The following STK24 variants were observed in gnomAD, a reference collection of about 807,000 sequenced individuals.
The protein encoded by STK24 is serine/threonine-protein kinase 24.
STK24 carries 21 observed loss-of-function variants against 55.6 expected under a neutral mutation model. That is an observed-to-expected ratio of 0.38 (90% CI 0.27 to 0.54). The LOEUF (loss-of-function observed/expected upper bound fraction) is 0.54. STK24 is among the 20% of genes least tolerant of loss of function. STK24 has a pLI of 0.79. For synonymous variants in STK24, 200 were observed against 215.2 expected (o/e 0.93, Z 0.62); for missense variants, 383 against 538.4 (o/e 0.71, Z 2.86).
intron 1 of STK24, among the ~76,000 whole-genome samples, chr13:98,550,568 T>C (rs1267694926): frequency 6.6e-6 from 1 of 152,202 alleles, no homozygotes; most frequent in African/African-American, 2.4e-5. Context: ...CTCTTTCTTG[T>C]AGTTTTGTCT....
At chr13:98,535,398 TAC>T (rs56768700) in intron 1 of STK24, among the ~76,000 whole-genome samples, 15,458 of 142,102 alleles carry the variant, frequency 0.11, 1,106 homozygotes, top group East Asian at 0.23. Flanking sequence ...TATGTGTGTA[TAC>T]ACACACACAC....
chr13:98,515,123 G>T (rs1594629648), intron 2 of STK24, among the ~76,000 whole-genome samples: 1 of 148,768 alleles, frequency 6.7e-6, no homozygotes, highest in East Asian at 2.0e-4. Flanking sequence ...AAAAAGATTT[G>T]TAAGTGCTGA....
intron 1 of STK24, among the ~76,000 whole-genome samples, chr13:98,553,045 A>G (rs551662016): frequency 6.6e-6 from 1 of 152,074 alleles, no homozygotes; most frequent in East Asian, 1.9e-4. Context: ...ACCAGGGGAG[A>G]CCCCGTGGGT....
At chr13:98,517,892 G>A (rs1357158723) in intron 2 of STK24, among the ~76,000 whole-genome samples, 1 of 152,140 alleles carries the variant, frequency 6.6e-6, no homozygotes, top group Non-Finnish European at 1.5e-5. Context: ...ATGCTACCAA[G>A]GAAGGAAAAT....
chr13:98,513,941 A>C (rs139792231), intron 2 of STK24, among the ~76,000 whole-genome samples: 68 of 152,362 alleles, frequency 4.5e-4, no homozygotes, highest in African/African-American at 1.6e-3. Context: ...AAGGGCCAAT[A>C]CAAGAGCATG....
At chr13:98,551,978 GATAAGGAAGGAAAAAAAAGTCAA>G (rs915061328) in intron 1 of STK24, among the ~76,000 whole-genome samples, 1 of 152,022 alleles carries the variant, frequency 6.6e-6, no homozygotes, top group African/African-American at 2.4e-5. Context: ...GACCTGCTGC[GATAAGGAAGGAAAAAAAAGTCAA>G]ATGGCCTTCG....
intron 7 of STK24, among the ~76,000 whole-genome samples, chr13:98,462,460 C>A (rs1374992847): frequency 2.0e-5 from 3 of 152,086 alleles, no homozygotes; most frequent in Admixed American, 1.3e-4. Context: ...GTATGGGCCT[C>A]AGAGGCAATG....
intron 2 of STK24, among the ~76,000 whole-genome samples, chr13:98,493,233 C>A (rs145637007): frequency 6.6e-5 from 10 of 152,312 alleles, no homozygotes; most frequent in South Asian, 6.2e-4. Flanking sequence ...TGCGTGTGTG[C>A]GTGTGCTCGC....
intron 2 of STK24, among the ~76,000 whole-genome samples, chr13:98,487,743 T>C (rs1014308338): frequency 6.6e-6 from 1 of 152,108 alleles, no homozygotes; most frequent in African/African-American, 2.4e-5. Context: ...TGAGCTCACA[T>C]TGTTTCCATT....
At position 98,519,482 on chromosome 13, in the gene STK24, A is replaced by G; in HGVS notation, c.43-9T>C. 6.2e-7 allele frequency: 1 copy of G among 1,610,460 alleles called. No individual in the cohort carries two copies. The highest frequency in any genetic ancestry group is 2.2e-5 in the East Asian group (1 of 44,862). ...GGGTCTGCCTTTAGGTTCTGTAGAG[A>G]GAAGGAAGAGAAAAGGGAAACTTTA... On this transcript the variant is annotated splice_polypyrimidine_tract_variant and intron_variant, in intron 1 of 10. Transcript: ENST00000539966.
intron 1 of STK24, among the ~76,000 whole-genome samples, chr13:98,545,217 T>C (rs931579989): frequency 6.6e-6 from 1 of 152,254 alleles, no homozygotes; most frequent in African/African-American, 2.4e-5. Context: ...TGAGGTACAC[T>C]GAGATGTTAA....
intron 2 of STK24, among the ~76,000 whole-genome samples, chr13:98,505,559 T>C (rs1458495858): frequency 2.6e-5 from 4 of 152,362 alleles, no homozygotes; most frequent in South Asian, 2.1e-4. Context: ...TTAGACCCAA[T>C]TGAAGCATAT....
chr13:98,519,511 C>T (rs1896184534), intron 1 of STK24, 38 bp from the exon 2 acceptor site: 1 of 1,483,418 alleles, frequency 6.7e-7, no homozygotes, highest in East Asian at 2.3e-5. Context: ...AACTTTAGTC[C>T]CTCATAGCAC....
In STK24 at chr13:98,475,185, G is replaced by A. The variant is rs77536433; in HGVS notation, c.439+65C>T. ...GGGCGCCAGCACCTTCCCTTGAGAAGTCTTCAGGGCAACCCCACCACCACC... is the reference window on the plus strand; with the variant it reads ...GGGCGCCAGCACCTTCCCTTGAGAAATCTTCAGGGCAACCCCACCACCACC... On this transcript the variant is annotated intron_variant, in intron 4 of 10. Transcript: ENST00000539966. 1,667 of 1,474,010 alleles carry A rather than the reference G, an allele frequency of 1.1e-3. 9 individuals are homozygous for A. The African/African-American group carries it at 0.021, about 18-fold the overall frequency. 91.3% of individuals were successfully genotyped at this position (1,474,010 alleles called of 1,614,324 possible).
At chr13:98,477,894 C>T (rs1276666272) in intron 3 of STK24, among the ~76,000 whole-genome samples, 1 of 152,104 alleles carries the variant, frequency 6.6e-6, no homozygotes, top group Non-Finnish European at 1.5e-5. Context: ...GGAAAATCCT[C>T]CCCTGGATAA....
chr13:98,490,685 A>G (rs2139321547), intron 2 of STK24, among the ~76,000 whole-genome samples: 1 of 152,290 alleles, frequency 6.6e-6, no homozygotes, highest in Admixed American at 6.5e-5. Context: ...CAGCAGTGAC[A>G]GCTTCCAGTG....
chr13:98,468,564 T>A (rs192770034), intron 5 of STK24, among the ~76,000 whole-genome samples: 19 of 152,234 alleles, frequency 1.2e-4, no homozygotes, highest in Admixed American at 1.1e-3. Context: ...TTGTGACTCT[T>A]GTGTGGCAGC....
chr13:98,527,894 T>C lies in STK24; in HGVS notation c.43-8421A>G, dbSNP rs186200409. 3.6e-3 allele frequency among the ~76,000 whole-genome samples: 555 copies of C among 152,336 alleles called. 1 individual carries two copies. Among genetic ancestry groups the C allele is most frequent in the African/African-American group, 0.013 (528 of 41,580 alleles). ...TGGAACAAATGTCCCCTGCTGTGACTGCAGCCCCAGTTCATGCTGGCGTCT... is the reference window on the plus strand; with the variant it reads ...TGGAACAAATGTCCCCTGCTGTGACCGCAGCCCCAGTTCATGCTGGCGTCT... On this transcript the variant is annotated intron_variant, in intron 1 of 10. Coordinates refer to ENST00000539966, the MANE Select transcript of STK24 (RefSeq NM_001032296.4).
intron 1 of STK24, among the ~76,000 whole-genome samples, chr13:98,571,474 T>C (rs921073571): frequency 3.9e-4 from 59 of 152,108 alleles, no homozygotes; most frequent in African/African-American, 1.4e-3. Context: ...TGACATGCTA[T>C]CAAGAATACT....
Sources: gnomAD v4.1 joint callset for allele counts (sites outside exome capture counted in the v4.1 genomes callset) on GRCh38, gnomAD v4.1.1 for gene constraint, MANE v1.5 for transcripts, NCBI Gene and HGNC (gene_info 2026-07-23, HGNC 2026-07-21) for gene names.